PPP2R2B: variants seen among roughly 807,000 people sequenced by gnomAD.
The protein encoded by PPP2R2B is serine/threonine-protein phosphatase 2A 55 kDa regulatory subunit B beta isoform.
PPP2R2B carries 5 observed loss-of-function variants against 46.0 expected under a neutral mutation model. The observed-to-expected ratio is 0.11, with a 90% CI of 0.06 to 0.23. The LOEUF (loss-of-function observed/expected upper bound fraction) is 0.23, where lower values mean the gene tolerates loss of function less well. Among genes scored for constraint, PPP2R2B ranks in the 10% least tolerant of loss-of-function variants. The probability of loss-of-function intolerance (pLI) is 1.00; values close to 1 mark genes in which losing one functional copy is unlikely to be tolerated. For missense variants in PPP2R2B, 367 were observed against 575.0 expected (o/e 0.64, Z 3.70); for synonymous variants, 215 against 206.7 (o/e 1.04, Z -0.34).
chr5:146,788,003 T>A (rs1167364036), intron 2 of PPP2R2B, among the ~76,000 whole-genome samples: 1 of 152,196 alleles, frequency 6.6e-6, no homozygotes, highest in Non-Finnish European at 1.5e-5. Flanking sequence ...AAACTGTCTT[T>A]CTCATGTCTG....
chr5:146,857,953 G>C (rs1301963156), intron 2 of PPP2R2B, among the ~76,000 whole-genome samples: 2 of 152,210 alleles, frequency 1.3e-5, no homozygotes, highest in African/African-American at 4.8e-5. Flanking sequence ...CTCCCAAAGT[G>C]CTGGGATTAC....
intron 1 of PPP2R2B, among the ~76,000 whole-genome samples, chr5:147,046,976 T>C (rs1161441490): frequency 1.3e-5 from 2 of 152,094 alleles, no homozygotes; most frequent in Admixed American, 1.3e-4. Context: ...CCAAAGCACA[T>C]ATCACTTAAT....
intron 5 of PPP2R2B, among the ~76,000 whole-genome samples, chr5:146,655,746 C>T (rs1023152066): frequency 7.2e-5 from 11 of 152,130 alleles, no homozygotes; most frequent in African/African-American, 2.7e-4. Flanking sequence ...GATCTTTCAG[C>T]GAGGGCGATC....
chr5:146,980,504 A>G lies in PPP2R2B; in HGVS notation c.79+75161T>C, dbSNP rs60023359. ...TAAGATTAGGAACAGAGCTGGAAGA[A>G]ACAGCAACAAGGAAAAGGAAGGAGA... On this transcript the variant is annotated intron_variant, in intron 1 of 8. Transcript: ENST00000336640. Among the ~76,000 whole-genome samples, 686 of 152,310 alleles carry G rather than the reference A, an allele frequency of 4.5e-3. 7 individuals carry two copies. The highest frequency in any genetic ancestry group is 0.016 in the African/African-American group (654 of 41,560).
chr5:147,006,301 G>A (rs192913232), intron 1 of PPP2R2B, among the ~76,000 whole-genome samples: 89 of 152,280 alleles, frequency 5.8e-4, no homozygotes, highest in Middle Eastern at 6.8e-3. Context: ...AATCAGGAAG[G>A]AGCCATCTAT....
upstream of PPP2R2B, among the ~76,000 whole-genome samples, chr5:147,058,390 A>G (rs925257473): frequency 3.9e-5 from 6 of 152,188 alleles, no homozygotes; most frequent in South Asian, 2.1e-4. Flanking sequence ...CTTAGCGAAT[A>G]CTTTCTAAGT....
intron 1 of PPP2R2B, among the ~76,000 whole-genome samples, chr5:146,937,161 C>T (rs1435776351): frequency 1.3e-5 from 2 of 152,110 alleles, no homozygotes; most frequent in Non-Finnish European, 2.9e-5. Flanking sequence ...ATTAGCTGGG[C>T]GTGGTGGCGC....
upstream of PPP2R2B, among the ~76,000 whole-genome samples, chr5:147,058,382 T>C (rs953281629): frequency 1.1e-4 from 17 of 152,174 alleles, no homozygotes; most frequent in Non-Finnish European, 1.5e-5. Context: ...GGTAGGCACT[T>C]AGCGAATACT....
chr5:146,725,889 C>T (rs1219036014), intron 2 of PPP2R2B, among the ~76,000 whole-genome samples: 1 of 152,178 alleles, frequency 6.6e-6, no homozygotes, highest in Admixed American at 6.5e-5. Flanking sequence ...TACCTTGTGC[C>T]TAGCATGGCA....
intron 1 of PPP2R2B, among the ~76,000 whole-genome samples, chr5:147,010,415 C>A (rs950802115): frequency 1.3e-5 from 2 of 152,106 alleles, no homozygotes; most frequent in Non-Finnish European, 2.9e-5. Flanking sequence ...ATACAACTCA[C>A]CATAATGTAG....
intron 5 of PPP2R2B, among the ~76,000 whole-genome samples, chr5:146,675,360 A>G (rs1777642531): frequency 1.3e-5 from 2 of 152,186 alleles, no homozygotes; most frequent in Non-Finnish European, 2.9e-5. Flanking sequence ...CTGACTTGCT[A>G]TCTTTCATTC....
rs902681537 is a variant in PPP2R2B, at chr5:146,878,343, G to A, written c.-124-148C>T. ...CTCCAGTTCCCAGCGAGGATGCTGC[G>A]CCTGCCTCCGCTGCCTCCGGGTGCC... On this transcript the variant is annotated intron_variant, in intron 1 of 9. Transcript: ENST00000394411. This position sits in a 1 kb window ranked among gnomAD's most constrained non-coding sequence, Gnocchi z 4.5. The A allele has an allele frequency of 1.4e-6, 2 of 1,437,054 alleles. No homozygotes were observed. Among genetic ancestry groups the A allele is most frequent in the Non-Finnish European group, 1.8e-6 (2 of 1,102,306 alleles). 89.0% of individuals were successfully genotyped at this position (1,437,054 alleles called of 1,614,324 possible).
At chr5:147,073,982 G>T (rs1487718060) in intron 2 of PPP2R2B, among the ~76,000 whole-genome samples, 1 of 151,288 alleles carries the variant, frequency 6.6e-6, no homozygotes, top group Non-Finnish European at 1.5e-5. Flanking sequence ...GTTGCAGTGA[G>T]CCAAGATCGC....
At chr5:146,732,015 C>T (rs115733659) in intron 2 of PPP2R2B, among the ~76,000 whole-genome samples, 55 of 152,204 alleles carry the variant, frequency 3.6e-4, no homozygotes, top group Non-Finnish European at 7.1e-4. Flanking sequence ...TTCCCGTTTA[C>T]GGTTTAAAAA....
intron 2 of PPP2R2B, among the ~76,000 whole-genome samples, chr5:146,810,383 C>T (rs1757453037): frequency 6.6e-6 from 1 of 152,160 alleles, no homozygotes; most frequent in African/African-American, 2.4e-5. Context: ...TTGCGTGAGA[C>T]TTACTCACTA....
chr5:147,022,475 G>C (rs909602083), intron 1 of PPP2R2B, among the ~76,000 whole-genome samples: 1 of 151,782 alleles, frequency 6.6e-6, no homozygotes, highest in Non-Finnish European at 1.5e-5. Context: ...CAGGGGAATC[G>C]CTTGAACGTA....
intron 1 of PPP2R2B, among the ~76,000 whole-genome samples, chr5:146,889,989 C>T (rs773041633): frequency 3.9e-5 from 6 of 152,188 alleles, no homozygotes; most frequent in South Asian, 2.1e-4. Context: ...TGGTGACAGA[C>T]GAGCATGAGA....
chr5:146,876,190 G>A (rs319215), intron 2 of PPP2R2B, among the ~76,000 whole-genome samples: 35,702 of 152,050 alleles, frequency 0.23, 5,201 homozygotes, highest in African/African-American at 0.39. Context: ...TTTTGACTAT[G>A]TGAACCTAGA....
intron 2 of PPP2R2B, among the ~76,000 whole-genome samples, chr5:146,864,396 CAAAAAAAAAA>C (rs34780019): frequency 6.4e-5 from 2 of 31,310 alleles, no homozygotes; most frequent in Non-Finnish European, 1.3e-4. Context: ...TAGTATTAAC[CAAAAAAAAAA>C]AAAAAAAAAA....
Sources: allele counts gnomAD v4.1 joint callset (sites outside exome capture counted in the v4.1 genomes callset), GRCh38; gene constraint gnomAD v4.1.1; non-coding constraint Gnocchi (gnomAD v3.1); transcripts MANE v1.5; gene names NCBI Gene and HGNC (gene_info 2026-07-23, HGNC 2026-07-21).